Variants in FBP2 observed in about 807,000 individuals in gnomAD.
FBP2 encodes the protein fructose-1,6-bisphosphatase isozyme 2.
Under a neutral mutation model 31.6 loss-of-function variants are expected in FBP2, and 27 were observed. That is an observed-to-expected ratio of 0.85 (90% CI 0.63 to 1.18). The LOEUF is 1.18. Among genes scored for constraint, FBP2 ranks in the 50% most tolerant of loss-of-function variants. The pLI is 0.00. For missense variants in FBP2, 421 were observed against 436.1 expected (o/e 0.97, Z 0.31); for synonymous variants, 168 against 179.8 (o/e 0.93, Z 0.53).
intron 3 of FBP2, among the ~76,000 whole-genome samples, chr9:94,579,521 T>A (rs574023976): frequency 9.2e-5 from 14 of 151,978 alleles, no homozygotes; most frequent in Non-Finnish European, 2.1e-4. Flanking sequence ...ATGGTTTGTA[T>A]AAATTGTATT....
intron 5 of FBP2, among the ~76,000 whole-genome samples, chr9:94,564,218 A>C (rs1827152688): frequency 6.6e-6 from 1 of 152,240 alleles, no homozygotes; most frequent in Admixed American, 6.5e-5. Context: ...GTAAAATTGG[A>C]ACACACAATC....
At chr9:94,592,833 A>T (rs1827516673) in intron 1 of FBP2, among the ~76,000 whole-genome samples, 1 of 152,152 alleles carries the variant, frequency 6.6e-6, no homozygotes, top group African/African-American at 2.4e-5. Flanking sequence ...GTGCCTGGCC[A>T]CCGGATTCTT....
chr9:94,584,484 A>C (rs1587844905), intron 3 of FBP2, 93 bp downstream of exon 3: 2 of 799,030 alleles, frequency 2.5e-6, no homozygotes, highest in East Asian at 5.2e-5. Context: ...TGGGAAGACA[A>C]AGGGTAGGAC....
At chr9:94,572,140 T>C (rs1403879257) in intron 3 of FBP2, among the ~76,000 whole-genome samples, 1 of 152,188 alleles carries the variant, frequency 6.6e-6, no homozygotes, top group Non-Finnish European at 1.5e-5. Context: ...TGGATGCTCC[T>C]TCTCACTTGC....
intron 4 of FBP2, 91 bp from the exon 5 acceptor site, chr9:94,567,498 G>A (rs976219932): frequency 6.7e-7 from 1 of 1,486,694 alleles, no homozygotes; most frequent in Non-Finnish European, 9.2e-7. Flanking sequence ...GAGAAGATGG[G>A]GGCCTGCTGG....
intron 6 of FBP2, among the ~76,000 whole-genome samples, chr9:94,560,408 C>G (rs1827079107): frequency 6.6e-6 from 1 of 152,140 alleles, no homozygotes; most frequent in Non-Finnish European, 1.5e-5. Flanking sequence ...CATGACGCCC[C>G]CAGCCTGACT....
intron 3 of FBP2, among the ~76,000 whole-genome samples, chr9:94,579,562 T>G (rs998819466): frequency 3.3e-5 from 5 of 152,214 alleles, no homozygotes; most frequent in African/African-American, 9.6e-5. Context: ...AAAAGAATTT[T>G]GCATGTGATT....
At chr9:94,587,156 C>A in intron 2 of FBP2, 151 bp downstream of exon 2, 2 of 659,200 alleles carry the variant, frequency 3.0e-6, no homozygotes, top group Non-Finnish European at 4.9e-6. Context: ...CACAAGATTT[C>A]CAAGTAGAGA....
chr9:94,582,770 G>A (rs540138305), intron 3 of FBP2, among the ~76,000 whole-genome samples: 7 of 150,800 alleles, frequency 4.6e-5, no homozygotes, highest in African/African-American at 7.3e-5. Context: ...GGATGGTCTC[G>A]ATCTCCTGAC....
chr9:94,581,225 G>A (rs1423927335), intron 3 of FBP2, among the ~76,000 whole-genome samples: 1 of 152,128 alleles, frequency 6.6e-6, no homozygotes, highest in East Asian at 1.9e-4. Context: ...TATAGTGGAA[G>A]AAGTGAGCGT....
chr9:94,585,672 G>A (rs515339), intron 2 of FBP2, among the ~76,000 whole-genome samples: 40,242 of 152,100 alleles, frequency 0.26, 6,720 homozygotes, highest in East Asian at 0.53. Context: ...GCCCAGGATG[G>A]AGTGCAGTGG....
intron 6 of FBP2, among the ~76,000 whole-genome samples, chr9:94,561,352 A>ATTTT (rs1174386595): frequency 0.22 from 12,271 of 54,958 alleles, 3,744 homozygotes; most frequent in Middle Eastern, 0.3. Context: ...TGTGACCTGT[A>ATTTT]TTTTTTTTTT....
intron 2 of FBP2, among the ~76,000 whole-genome samples, chr9:94,585,541 G>T (rs1368674712): frequency 6.6e-6 from 1 of 151,018 alleles, no homozygotes; most frequent in Non-Finnish European, 1.5e-5. Flanking sequence ...GCCATGAGGG[G>T]GGGTCACATT....
At chr9:94,581,986 G>A (rs1046992490) in intron 3 of FBP2, among the ~76,000 whole-genome samples, 1 of 152,200 alleles carries the variant, frequency 6.6e-6, no homozygotes, top group Non-Finnish European at 1.5e-5. Context: ...AACTGCCATA[G>A]GTTTTTCTTT....
intron 3 of FBP2, among the ~76,000 whole-genome samples, chr9:94,573,384 G>C (rs904145917): frequency 6.6e-6 from 1 of 152,112 alleles, no homozygotes; most frequent in Admixed American, 6.5e-5. Context: ...TCAACTTCTT[G>C]AGTAGCTGGG....
At chr9:94,579,394 T>A (rs1158468589) in intron 3 of FBP2, among the ~76,000 whole-genome samples, 1 of 88,298 alleles carries the variant, frequency 1.1e-5, no homozygotes, top group African/African-American at 3.8e-5. Context: ...TGAGACTCTG[T>A]CTCAAAAAAA....
chr9:94,584,797 T>C, intron 2 of FBP2, 128 bp from the exon 3 acceptor site: 1 of 652,176 alleles, frequency 1.5e-6, no homozygotes, highest in Non-Finnish European at 2.8e-6. Flanking sequence ...CATATCTTTA[T>C]CAAAAAACAC....
At chr9:94,588,377 T>C (rs1827452267) in intron 1 of FBP2, among the ~76,000 whole-genome samples, 2 of 152,054 alleles carry the variant, frequency 1.3e-5, no homozygotes, top group South Asian at 4.1e-4. Flanking sequence ...ATCCCAGCAC[T>C]GTGGGAGGCC....
chr9:94,563,059 A>G (rs995799288), intron 6 of FBP2, among the ~76,000 whole-genome samples: 4 of 152,246 alleles, frequency 2.6e-5, no homozygotes, highest in Non-Finnish European at 4.4e-5. Flanking sequence ...GCCTGTGGAA[A>G]GTGAGACACA....
Sources: allele counts gnomAD v4.1 joint callset (sites outside exome capture counted in the v4.1 genomes callset), GRCh38; gene constraint gnomAD v4.1.1; transcripts MANE v1.5; gene names NCBI Gene and HGNC (gene_info 2026-07-23, HGNC 2026-07-21).